Variants in ATP2B2 observed in about 807,000 individuals in gnomAD.
ATP2B2 encodes plasma membrane calcium-transporting ATPase 2.
In ATP2B2, 15 loss-of-function variants were observed where a neutral mutation model predicts 120.0. The observed-to-expected ratio is 0.12, with a 90% confidence interval of 0.08 to 0.19. The LOEUF (loss-of-function observed/expected upper bound fraction) is 0.19, where lower values mean the gene tolerates loss of function less well. Ranked by LOEUF, ATP2B2 falls within the 10% of genes least tolerant of loss-of-function variation. The pLI is 1.00. For synonymous variants in ATP2B2, 694 were observed against 700.3 expected (o/e 0.99, Z 0.14); for missense variants, 1,045 against 1,719.8 (o/e 0.61, Z 6.94).
chr3:10,556,162 A>G (rs2125521382), intron 2 of ATP2B2, among the ~76,000 whole-genome samples: 1 of 152,330 alleles, frequency 6.6e-6, no homozygotes, highest in South Asian at 2.1e-4. Flanking sequence ...GGCCTCCCAA[A>G]GTGCTGGGAT....
chr3:10,581,729 T>A (rs896661153), intron 2 of ATP2B2, among the ~76,000 whole-genome samples: 2 of 152,136 alleles, frequency 1.3e-5, no homozygotes, highest in African/African-American at 4.8e-5. Flanking sequence ...TGGAAAAAAC[T>A]CCTCCAAGGG....
At chr3:10,624,444 C>T (rs1162726761) in intron 1 of ATP2B2, among the ~76,000 whole-genome samples, 1 of 152,148 alleles carries the variant, frequency 6.6e-6, no homozygotes, top group Non-Finnish European at 1.5e-5. Flanking sequence ...TGTGTCTCTG[C>T]CTGTGGTGGC....
chr3:10,613,845 C>G (rs2069308125), intron 2 of ATP2B2, among the ~76,000 whole-genome samples: 1 of 152,110 alleles, frequency 6.6e-6, no homozygotes, highest in South Asian at 2.1e-4. Flanking sequence ...AATTAAGGCA[C>G]AGCCCCTCAC....
chr3:10,636,247 C>T (rs1359365836), intron 1 of ATP2B2, among the ~76,000 whole-genome samples: 3 of 152,178 alleles, frequency 2.0e-5, no homozygotes, highest in African/African-American at 7.2e-5. Context: ...CCTCAGAGTG[C>T]TAGGGACCTG....
At chr3:10,583,579 G>C (rs1018466751) in intron 2 of ATP2B2, among the ~76,000 whole-genome samples, 3 of 152,180 alleles carry the variant, frequency 2.0e-5, no homozygotes, top group African/African-American at 7.2e-5. Flanking sequence ...CTCATTTGAG[G>C]TGGCTGACTG....
chr3:10,554,443 G>T (rs938071087), intron 2 of ATP2B2, among the ~76,000 whole-genome samples: 5 of 152,206 alleles, frequency 3.3e-5, no homozygotes, highest in African/African-American at 1.2e-4. Context: ...CACCCTGGAT[G>T]ATCTGGGTGG....
chr3:10,389,801 A>G (rs1271753934), intron 5 of ATP2B2, among the ~76,000 whole-genome samples: 2 of 151,552 alleles, frequency 1.3e-5, no homozygotes, highest in African/African-American at 2.4e-5. Context: ...TAAAAATTGG[A>G]AAAAAAAGCC....
At chr3:10,474,628 C>G (rs35826114) in intron 1 of ATP2B2, among the ~76,000 whole-genome samples, 24,213 of 152,238 alleles carry the variant, frequency 0.16, 2,502 homozygotes, top group East Asian at 0.45. Context: ...CTGACACACA[C>G]GCCTGCCTGC....
chr3:10,482,165 C>T (rs1201156533), intron 1 of ATP2B2, among the ~76,000 whole-genome samples: 3 of 152,172 alleles, frequency 2.0e-5, no homozygotes, highest in East Asian at 1.9e-4. Context: ...GATGAGTGAG[C>T]GCAGGCCCTG....
At chr3:10,468,668 G>A (rs761201040) in intron 1 of ATP2B2, among the ~76,000 whole-genome samples, 1 of 152,258 alleles carries the variant, frequency 6.6e-6, no homozygotes, top group Non-Finnish European at 1.5e-5. Context: ...AAGGGGACAA[G>A]TGACCTGCTT....
intron 3 of ATP2B2, among the ~76,000 whole-genome samples, chr3:10,403,063 G>C (rs968293493): frequency 1.3e-5 from 2 of 151,924 alleles, no homozygotes; most frequent in Admixed American, 6.5e-5. Context: ...AGATGAGCTG[G>C]TTCTAATCCT....
intron 2 of ATP2B2, among the ~76,000 whole-genome samples, chr3:10,558,886 G>A (rs997370046): frequency 6.6e-6 from 1 of 152,194 alleles, no homozygotes; most frequent in Non-Finnish European, 1.5e-5. Context: ...GAGAACGAGT[G>A]AGGAGAGTAA....
At chr3:10,577,759 G>T (rs763549962) in intron 2 of ATP2B2, among the ~76,000 whole-genome samples, 13 of 152,208 alleles carry the variant, frequency 8.5e-5, no homozygotes, top group South Asian at 2.1e-4. Flanking sequence ...GAATGGCAGG[G>T]TTACCGGGGA....
intron 1 of ATP2B2, among the ~76,000 whole-genome samples, chr3:10,660,874 C>T (rs1458893815): frequency 6.6e-6 from 1 of 152,188 alleles, no homozygotes; most frequent in Non-Finnish European, 1.5e-5. Context: ...CCAAATCCAG[C>T]AGCACATCAA....
At chr3:10,698,467 A>T (rs2071771688) in intron 1 of ATP2B2, among the ~76,000 whole-genome samples, 1 of 152,198 alleles carries the variant, frequency 6.6e-6, no homozygotes, top group African/African-American at 2.4e-5. Context: ...TGAGTCAGGA[A>T]ATCCAATTCA....
intron 18 of ATP2B2, among the ~76,000 whole-genome samples, chr3:10,344,687 T>A (rs562551885): frequency 6.6e-6 from 1 of 152,246 alleles, no homozygotes; most frequent in South Asian, 2.1e-4. Context: ...CAATGGCAGG[T>A]CCCTGGCCAG....
Position 10,334,598 on chromosome 3 carries a change from C to T in ATP2B2, c.3420+3578G>A, listed in dbSNP as rs145405803. Among the ~76,000 whole-genome samples, 22 of 152,290 alleles carry T rather than the reference C, an allele frequency of 1.4e-4. No homozygotes were observed. In the East Asian group the frequency reaches 4.2e-3, roughly 29 times the overall value. On this transcript the variant is annotated intron_variant, in intron 22 of 22. Coordinates refer to ENST00000360273, the MANE Select transcript of ATP2B2 (RefSeq NM_001001331.4). ...GACTCAGCCACCATCTGCTGAAATG[C>T]ATCTCCATTTCATCTTGGCTCCCCG...
intron 2 of ATP2B2, among the ~76,000 whole-genome samples, chr3:10,589,878 T>C (rs1280012289): frequency 1.3e-5 from 2 of 152,196 alleles, no homozygotes; most frequent in African/African-American, 4.8e-5. Flanking sequence ...GTTTGTGCAG[T>C]TTCTTATAAG....
intron 1 of ATP2B2, among the ~76,000 whole-genome samples, chr3:10,491,316 CCCA>C: frequency 6.6e-6 from 1 of 151,710 alleles, no homozygotes; most frequent in Non-Finnish European, 1.5e-5. Context: ...ACCTCTGCCT[CCCA>C]GGTTCAAGCA....
Sources: gnomAD v4.1 joint callset for allele counts (sites outside exome capture counted in the v4.1 genomes callset) on GRCh38, gnomAD v4.1.1 for gene constraint, MANE v1.5 for transcripts, NCBI Gene and HGNC (gene_info 2026-07-23, HGNC 2026-07-21) for gene names.